Variants in NBPF10 observed in about 807,000 individuals in gnomAD.
NBPF10 encodes NBPF family member NBPF10.
A neutral mutation model predicts 77.9 loss-of-function variants in NBPF10; 63 were observed. The ratio of observed to expected loss-of-function variants is 0.81; its 90% confidence interval spans 0.66 to 1.00. NBPF10 has a LOEUF of 1.00. NBPF10 is among the 50% of genes least tolerant of loss of function. The pLI is 0.00. For missense variants in NBPF10, 522 were observed against 679.8 expected, an observed-to-expected ratio of 0.77 and a Z score of 2.58; for synonymous variants, 146 against 264.5, an observed-to-expected ratio of 0.55 and a Z score of 4.35.
chr1:146,081,030 CAGA>C (rs1638462452), intron 71 of NBPF10, among the ~76,000 whole-genome samples: 3 of 35,438 alleles, frequency 8.5e-5, no homozygotes, highest in African/African-American at 2.0e-4. Flanking sequence ...CACACACACA[CAGA>C]GAGAGAGAGA....
chr1:146,139,571 A>G (rs608262), intron 5 of NBPF10, among the ~76,000 whole-genome samples: 4 of 140,930 alleles, frequency 2.8e-5, no homozygotes, highest in Non-Finnish European at 6.3e-5. Context: ...AATTTTTTGT[A>G]TTCTTTGTAA....
chr1:146,142,582 C>T (rs1553797842), intron 2 of NBPF10, 68 bp downstream of exon 2: 8 of 808,514 alleles, frequency 9.9e-6, no homozygotes, highest in East Asian at 3.1e-5. Context: ...TACTTCTCCC[C>T]GCCGAGCTGC....
chr1:146,139,092 CTTTT>C (rs782186835), intron 5 of NBPF10, among the ~76,000 whole-genome samples: 1,240 of 81,454 alleles, frequency 0.015, 3 homozygotes, highest in East Asian at 0.032. Context: ...CAGAGACTTA[CTTTT>C]TTTTTTTTTT....
At position 146,126,225 on chromosome 1, in the gene NBPF10, A is replaced by T. The variant is rs782647299; in HGVS notation, c.2026+11T>A. The T allele has an allele frequency of 1.9e-6, 3 of 1,583,378 alleles. No individual in the cohort carries two copies. The South Asian group carries it at 3.3e-5, about 18-fold the overall frequency. On this transcript the variant is annotated intron_variant, in intron 14 of 89. Coordinates refer to ENST00000583866, the Ensembl canonical transcript of NBPF10. ...AGTGGATCCTTATCACCTTCATAGA[A>T]AGGTACTCACCATCCATGTCAATAG...
At chr1:146,134,381 A>G in intron 8 of NBPF10, 116 bp from the exon 9 acceptor site, 1 of 812,232 alleles carries the variant, frequency 1.2e-6, no homozygotes, top group East Asian at 2.5e-5. Flanking sequence ...TTCAACTGAA[A>G]ACTCTCATGT....
chr1:146,123,541 G>A (rs1453222043), intron 17 of NBPF10, among the ~76,000 whole-genome samples: 5 of 105,200 alleles, frequency 4.8e-5, no homozygotes, highest in African/African-American at 1.4e-4. Flanking sequence ...GAGAGAGAAC[G>A]AGCTCAGTGA....
At chr1:146,109,369 T>C (rs1571157359) in intron 35 of NBPF10, among the ~76,000 whole-genome samples, 1 of 53,274 alleles carries the variant, frequency 1.9e-5, no homozygotes, top group African/African-American at 6.0e-5. Context: ...GAGAACGAGC[T>C]CAGTGAATTG....
intron 14 of NBPF10, among the ~76,000 whole-genome samples, chr1:146,125,806 A>T (rs71214510): frequency 1.2e-4 from 18 of 148,254 alleles, no homozygotes; most frequent in Admixed American, 2.7e-4. Flanking sequence ...TTTAAAGCAA[A>T]TGCCCCCAAA....
rs1660340059 is a variant in NBPF10 at position 146,141,886 on chromosome 1, A to G, written c.279-68T>C. ...GAGTGATCCGTTCAAATATTGCAACAGAGACTTCTGAGACAATGTCGTCAA... is the reference window on the plus strand; with the variant it reads ...GAGTGATCCGTTCAAATATTGCAACGGAGACTTCTGAGACAATGTCGTCAA... On this transcript the variant is annotated intron_variant, in intron 2 of 89. Coordinates refer to ENST00000583866, the Ensembl canonical transcript of NBPF10. The G allele has an allele frequency of 2.6e-6, 3 of 1,154,034 alleles. 1 individual carries two copies. The highest frequency in any genetic ancestry group is 3.8e-6 in the Non-Finnish European group (3 of 780,284). The allele number at this position is 1,154,034 out of a possible 1,614,324, so 71.5% of individuals were successfully genotyped here. A position where few individuals can be genotyped will look rare whatever the true frequency, so the allele number is the denominator to read the frequency against.
At chr1:146,066,777 C>A (rs1408576185) in intron 89 of NBPF10, among the ~76,000 whole-genome samples, 1 of 151,760 alleles carries the variant, frequency 6.6e-6, no homozygotes, top group African/African-American at 2.4e-5. Context: ...GAGACAGAGA[C>A]AGAGACAGAG....
At chr1:146,067,184 G>C (rs587731664) in exon 89 of NBPF10, 3 of 615,820 alleles carry the variant, frequency 4.9e-6, no homozygotes, top group East Asian at 5.9e-5. Context: ...AGTCACCTGG[G>C]GCATGGTGGG....
At chr1:146,122,087 A>G (rs1477225655) in intron 19 of NBPF10, among the ~76,000 whole-genome samples, 196 bp downstream of exon 19, 3 of 83,592 alleles carry the variant, frequency 3.6e-5, no homozygotes, top group Non-Finnish European at 4.8e-5. Context: ...TGGTCAACCT[A>G]TGGTACGTTA....
rs1329673141 is a variant in NBPF10, at chr1:146,136,498, A to G, written c.989-43T>C. The G allele has an allele frequency of 1.9e-6, 3 of 1,588,572 alleles. No individual in the cohort carries two copies. In the African/African-American group the frequency reaches 4.1e-5, roughly 22 times the overall value. Reference sequence around the variant, plus strand: ...CACCTGCCTCAGTGGAAGGCTGGACATGCTGCTGTGGTCATTGCCTACAGG... The same window carrying G: ...CACCTGCCTCAGTGGAAGGCTGGACGTGCTGCTGTGGTCATTGCCTACAGG... On this transcript the variant is annotated intron_variant, in intron 6 of 89. Coordinates refer to ENST00000583866, the Ensembl canonical transcript of NBPF10.
intron 7 of NBPF10, among the ~76,000 whole-genome samples, chr1:146,136,021 C>G (rs1659667961): frequency 1.3e-5 from 2 of 149,624 alleles, no homozygotes; most frequent in South Asian, 4.3e-4. Flanking sequence ...GTGATTCTCA[C>G]TAAGGGTAAG....
intron 14 of NBPF10, 39 bp downstream of exon 14, chr1:146,126,197 C>G: frequency 1.7e-6 from 2 of 1,146,360 alleles, no homozygotes; most frequent in South Asian, 1.2e-5. Flanking sequence ...AACCAGAAGA[C>G]TCAGTGGATC....
rs199803510 is a variant in NBPF10 at position 146,142,821 on chromosome 1, G to A, written c.176-69C>T. Reference sequence around the variant, plus strand: ...TGCTGCTGTGGTCACTGCCTACAGGGCAGGAGCCAGGTCCATCCCAAGGAC... The same window carrying A: ...TGCTGCTGTGGTCACTGCCTACAGGACAGGAGCCAGGTCCATCCCAAGGAC... On this transcript the variant is annotated intron_variant, in intron 1 of 89. Transcript: ENST00000583866. The A allele has an allele frequency of 1.6e-3, 1,311 of 827,308 alleles. 204 individuals carry two copies. Among genetic ancestry groups the A allele is most frequent in the East Asian group, 0.013 (428 of 32,530 alleles). 51.2% of individuals were successfully genotyped at this position (827,308 alleles called of 1,614,324 possible).
rs1415824220 is a variant in NBPF10 at position 146,129,183 on chromosome 1, TAAC to T, written c.1638-904_1638-902del. Among the ~76,000 whole-genome samples, 3 of 150,434 alleles carry T rather than the reference TAAC, an allele frequency of 2.0e-5. 1 individual carries two copies. The highest frequency in any genetic ancestry group is 7.4e-5 in the African/African-American group (3 of 40,454). ...GAAGTAGGCTTCAGAAAGTCGGTAA[TAAC>T]AAACTTCTCTGAGCTAAAGGAGGAT... On this transcript the variant is annotated intron_variant, in intron 11 of 89. Transcript: ENST00000583866.
chr1:146,080,974 G>GACAC (rs369325772), intron 71 of NBPF10, among the ~76,000 whole-genome samples, 197 bp from the exon 72 acceptor site: 9 of 45,912 alleles, frequency 2.0e-4, no homozygotes, highest in African/African-American at 3.2e-4. Context: ...AAGACAGATA[G>GACAC]ACACACACAC....
rs1452610142 is a variant in NBPF10 at position 146,067,737 on chromosome 1, C to T, written c.11035+266G>A. ...CAAAATCACAGTTCTCTGAATTTGT[C>T]ACATCTGCCCAGGTCCAATGTCATG... On this transcript the variant is annotated intron_variant, in intron 88 of 89. Coordinates refer to ENST00000583866, the Ensembl canonical transcript of NBPF10. Among the ~76,000 whole-genome samples the T allele has an allele frequency of 7.3e-5, 11 of 150,708 alleles. No homozygotes were observed. The East Asian group carries it at 2.0e-3, about 27-fold the overall frequency.
Sources: gnomAD v4.1 joint callset for allele counts (sites outside exome capture counted in the v4.1 genomes callset) on GRCh38, gnomAD v4.1.1 for gene constraint, MANE v1.5 for transcripts, NCBI Gene and HGNC (gene_info 2026-07-23, HGNC 2026-07-21) for gene names.